SLC35F1: variants seen among roughly 807,000 people sequenced by gnomAD.
SLC35F1 encodes the protein solute carrier family 35 member F1.
SLC35F1 carries 14 observed loss-of-function variants against 48.7 expected under a neutral mutation model. The observed-to-expected ratio is 0.29, with a 90% CI of 0.19 to 0.45. SLC35F1 has a LOEUF of 0.45. Among genes scored for constraint, SLC35F1 ranks in the 20% least tolerant of loss-of-function variants. The pLI, the probability that SLC35F1 is intolerant of heterozygous loss-of-function variation, is 1.00. For synonymous variants in SLC35F1, 190 were observed against 202.2 expected (o/e 0.94, Z 0.51); for missense variants, 404 against 500.0 (o/e 0.81, Z 1.83).
chr6:118,184,894 T>C (rs1774635228), intron 2 of SLC35F1, among the ~76,000 whole-genome samples: 1 of 152,130 alleles, frequency 6.6e-6, no homozygotes, highest in African/African-American at 2.4e-5. Flanking sequence ...TCCAAAATCT[T>C]TCCCCATATC....
intron 1 of SLC35F1, among the ~76,000 whole-genome samples, chr6:118,049,260 C>T (rs1476400755): frequency 8.6e-5 from 13 of 151,970 alleles, no homozygotes; most frequent in Non-Finnish European, 1.8e-4. Context: ...CCATAAAAAC[C>T]CTAGAAGAAA....
chr6:118,148,484 TTA>T (rs1774008256), intron 1 of SLC35F1, among the ~76,000 whole-genome samples: 2 of 146,532 alleles, frequency 1.4e-5, no homozygotes, highest in Non-Finnish European at 2.9e-5. Context: ...GTGGTAATGG[TTA>T]TGTCAGTCTT....
chr6:118,301,037 C>T (rs1776250062), intron 7 of SLC35F1, among the ~76,000 whole-genome samples: 1 of 152,080 alleles, frequency 6.6e-6, no homozygotes, highest in African/African-American at 2.4e-5. Flanking sequence ...GTGTTCCAAC[C>T]AATTCCATCT....
At chr6:118,082,630 T>G (rs760938812) in intron 1 of SLC35F1, among the ~76,000 whole-genome samples, 2 of 152,096 alleles carry the variant, frequency 1.3e-5, no homozygotes, top group Non-Finnish European at 2.9e-5. Flanking sequence ...TTGAGCCTTC[T>G]GGGATAGCTG....
intron 1 of SLC35F1, among the ~76,000 whole-genome samples, chr6:118,139,888 G>A (rs113899270): frequency 0.019 from 2,901 of 152,246 alleles, 90 homozygotes; most frequent in African/African-American, 0.062. Flanking sequence ...GGGGATGGTG[G>A]TGGGGAGGAG....
chr6:118,041,298 A>G (rs4463293), intron 1 of SLC35F1, among the ~76,000 whole-genome samples: 73,687 of 151,976 alleles, frequency 0.48, 19,233 homozygotes, highest in Middle Eastern at 0.62. Context: ...ATATTTACTT[A>G]AAGATATCTT....
intron 1 of SLC35F1, among the ~76,000 whole-genome samples, chr6:117,988,391 A>G (rs1290089649): frequency 6.6e-6 from 1 of 152,210 alleles, no homozygotes; most frequent in Non-Finnish European, 1.5e-5. Flanking sequence ...TTCTTAATTT[A>G]GTTCAATCAA....
chr6:118,105,895 T>C (rs1170636065), intron 1 of SLC35F1, among the ~76,000 whole-genome samples: 1 of 152,202 alleles, frequency 6.6e-6, no homozygotes, highest in African/African-American at 2.4e-5. Flanking sequence ...ACCTTATTCA[T>C]GATCACCAAC....
chr6:118,259,124 T>C (rs1363513355), intron 3 of SLC35F1, among the ~76,000 whole-genome samples: 1 of 151,726 alleles, frequency 6.6e-6, no homozygotes, highest in Admixed American at 6.6e-5. Flanking sequence ...ATAATACTAA[T>C]ACTTTAATAG....
intron 1 of SLC35F1, among the ~76,000 whole-genome samples, chr6:118,041,676 T>C (rs1226792436): frequency 6.6e-6 from 1 of 152,182 alleles, no homozygotes; most frequent in East Asian, 1.9e-4. Flanking sequence ...AAGGCCCCTT[T>C]GACAGATCAT....
intron 3 of SLC35F1, among the ~76,000 whole-genome samples, chr6:118,238,027 C>T (rs1381805947): frequency 6.6e-6 from 1 of 152,166 alleles, no homozygotes; most frequent in East Asian, 1.9e-4. Flanking sequence ...CCTTCCACCT[C>T]CCCTCTTCCT....
chr6:118,162,175 T>A (rs937889706), intron 2 of SLC35F1, among the ~76,000 whole-genome samples: 5 of 152,188 alleles, frequency 3.3e-5, no homozygotes, highest in Non-Finnish European at 7.3e-5. Context: ...GGAATGTCAC[T>A]GACCAATAAA....
chr6:118,048,015 G>A (rs527991204), intron 1 of SLC35F1, among the ~76,000 whole-genome samples: 1 of 151,990 alleles, frequency 6.6e-6, no homozygotes, highest in African/African-American at 2.4e-5. Flanking sequence ...ATTGGCTGTG[G>A]GTTTGTCATA....
At chr6:117,976,877 G>A (rs1397782355) in intron 1 of SLC35F1, among the ~76,000 whole-genome samples, 2 of 152,088 alleles carry the variant, frequency 1.3e-5, no homozygotes, top group Non-Finnish European at 2.9e-5. Context: ...ATGTATAATT[G>A]TAATCATGCT....
intron 1 of SLC35F1, among the ~76,000 whole-genome samples, chr6:117,992,397 A>C (rs983013081): frequency 1.3e-5 from 2 of 152,182 alleles, no homozygotes; most frequent in Non-Finnish European, 2.9e-5. Context: ...AGCAGATGTG[A>C]ACTTCCCAAC....
At chr6:118,161,806 T>A (rs1774238420) in intron 2 of SLC35F1, among the ~76,000 whole-genome samples, 1 of 152,208 alleles carries the variant, frequency 6.6e-6, no homozygotes, top group Admixed American at 6.5e-5. Flanking sequence ...TGTGATGTTA[T>A]ACAAATATCA....
intron 1 of SLC35F1, among the ~76,000 whole-genome samples, chr6:118,106,652 A>T (rs950307797): frequency 1.3e-5 from 2 of 152,234 alleles, no homozygotes; most frequent in African/African-American, 4.8e-5. Context: ...TACTGTTTAA[A>T]GTTTAAATGA....
intron 6 of SLC35F1, among the ~76,000 whole-genome samples, chr6:118,280,597 G>A (rs1775970715): frequency 6.6e-6 from 1 of 152,072 alleles, no homozygotes. Context: ...ACCTTTCCTG[G>A]CCAGGTGCAG....
At chr6:118,026,964 T>G (rs1317441428) in intron 1 of SLC35F1, among the ~76,000 whole-genome samples, 1 of 152,148 alleles carries the variant, frequency 6.6e-6, no homozygotes, top group African/African-American at 2.4e-5. Context: ...TGGTCCCTTT[T>G]GTTGTCATTG....
Sources: allele counts gnomAD v4.1 joint callset (sites outside exome capture counted in the v4.1 genomes callset), GRCh38; gene constraint gnomAD v4.1.1; transcripts MANE v1.5; gene names NCBI Gene and HGNC (gene_info 2026-07-23, HGNC 2026-07-21).